NLGN1: variants seen among roughly 807,000 people sequenced by gnomAD.
NLGN1 encodes neuroligin-1.
In NLGN1, 12 loss-of-function variants were observed where a neutral mutation model predicts 65.5. The observed-to-expected ratio is 0.18, with a 90% confidence interval of 0.12 to 0.30. The LOEUF (loss-of-function observed/expected upper bound fraction) is 0.30, where lower values mean the gene tolerates loss of function less well. Ranked by LOEUF, NLGN1 falls within the 10% of genes least tolerant of loss-of-function variation. The pLI is 1.00. For missense variants in NLGN1, 750 were observed against 1,007.1 expected (o/e 0.74, Z 3.46); for synonymous variants, 350 against 359.5 (o/e 0.97, Z 0.30).
At chr3:173,825,911 C>G (rs1721249595) in intron 4 of NLGN1, among the ~76,000 whole-genome samples, 1 of 151,886 alleles carries the variant, frequency 6.6e-6, no homozygotes, top group African/African-American at 2.4e-5. Context: ...CATTCTGAGT[C>G]ATGGCTCAGA....
intron 4 of NLGN1, among the ~76,000 whole-genome samples, chr3:173,972,731 T>C (rs2152377434): frequency 6.6e-6 from 1 of 152,196 alleles, no homozygotes; most frequent in East Asian, 1.9e-4. Context: ...AGTGATTAGA[T>C]TGGAAGATTA....
At chr3:173,752,141 G>A (rs1382876388) in intron 3 of NLGN1, among the ~76,000 whole-genome samples, 1 of 152,080 alleles carries the variant, frequency 6.6e-6, no homozygotes, top group Non-Finnish European at 1.5e-5. Flanking sequence ...ACAAATGTAA[G>A]TTATTTCCAG....
intron 4 of NLGN1, among the ~76,000 whole-genome samples, chr3:174,026,759 C>T (rs1447968554): frequency 1.3e-5 from 2 of 152,148 alleles, no homozygotes; most frequent in Non-Finnish European, 2.9e-5. Context: ...ATTCTCTGCA[C>T]TTGAGGTCCA....
At chr3:173,511,131 T>C (rs1467752154) in intron 2 of NLGN1, among the ~76,000 whole-genome samples, 1 of 152,172 alleles carries the variant, frequency 6.6e-6, no homozygotes, top group Non-Finnish European at 1.5e-5. Context: ...TCATTTAGTA[T>C]TGAAGAGAAA....
intron 3 of NLGN1, among the ~76,000 whole-genome samples, chr3:173,797,862 A>G (rs940413467): frequency 9.2e-5 from 14 of 152,130 alleles, no homozygotes; most frequent in African/African-American, 3.4e-4. Context: ...TGATGTTTTG[A>G]CAACAATTCT....
At chr3:174,284,431 TGTAA>T (rs760757665) in exon 7 of NLGN1, 10 of 151,446 alleles carry the variant, frequency 6.6e-5, no homozygotes, top group Non-Finnish European at 1.2e-4. Flanking sequence ...TGAAAAACAA[TGTAA>T]GTAACAAAAT....
intron 4 of NLGN1, among the ~76,000 whole-genome samples, chr3:173,839,054 C>T (rs930405816): frequency 1.7e-4 from 25 of 149,164 alleles, no homozygotes; most frequent in African/African-American, 5.2e-4. Flanking sequence ...TGTTGACCCT[C>T]ACAGTATTCT....
intron 4 of NLGN1, among the ~76,000 whole-genome samples, chr3:174,189,530 T>C (rs1217328688): frequency 6.6e-6 from 1 of 152,018 alleles, no homozygotes; most frequent in African/African-American, 2.4e-5. Context: ...TTAAGTTATA[T>C]AATGTGAAAA....
chr3:173,673,267 A>T (rs1357841602), intron 3 of NLGN1, among the ~76,000 whole-genome samples: 6 of 152,206 alleles, frequency 3.9e-5, no homozygotes, highest in Admixed American at 6.5e-5. Flanking sequence ...TTCCTTTAGC[A>T]ATAAGTAGCT....
chr3:173,583,040 A>C (rs538787716), intron 2 of NLGN1, among the ~76,000 whole-genome samples: 3 of 152,194 alleles, frequency 2.0e-5, no homozygotes, highest in African/African-American at 7.2e-5. Flanking sequence ...GGTTTCCACA[A>C]ATCCATGAAT....
intron 4 of NLGN1, among the ~76,000 whole-genome samples, chr3:174,003,934 C>T (rs1723838516): frequency 6.6e-6 from 1 of 152,104 alleles, no homozygotes; most frequent in Admixed American, 6.6e-5. Context: ...TGAAAGCGTA[C>T]TCTATAGTGG....
intron 2 of NLGN1, among the ~76,000 whole-genome samples, chr3:173,529,016 T>C (rs973555453): frequency 6.6e-6 from 1 of 152,212 alleles, no homozygotes; most frequent in African/African-American, 2.4e-5. Flanking sequence ...AGATTTTACA[T>C]GGTACCAGAA....
At chr3:173,800,264 TTC>T in intron 3 of NLGN1, 2 of 900,316 alleles carry the variant, frequency 2.2e-6, no homozygotes, top group Non-Finnish European at 2.9e-6. Flanking sequence ...TTTTTTTTTT[TTC>T]CTCCATTTCT....
intron 4 of NLGN1, among the ~76,000 whole-genome samples, chr3:174,030,122 CTTTTTTTTTTT>C (rs3979617): frequency 8.4e-6 from 1 of 118,358 alleles, no homozygotes; most frequent in Admixed American, 8.6e-5. Flanking sequence ...TTTAAGTTAG[CTTTTTTTTTTT>C]TTTTTTTTTG....
intron 4 of NLGN1, among the ~76,000 whole-genome samples, chr3:174,271,843 T>G (rs1749458871): frequency 6.6e-6 from 1 of 151,668 alleles, no homozygotes; most frequent in Non-Finnish European, 1.5e-5. Flanking sequence ...GTCAAATAAT[T>G]TTTAGCATAA....
intron 2 of NLGN1, among the ~76,000 whole-genome samples, chr3:173,513,092 C>T (rs1733247980): frequency 6.6e-6 from 1 of 152,164 alleles, no homozygotes; most frequent in African/African-American, 2.4e-5. Context: ...CTTCCCCTAA[C>T]TGCGTTAGGC....
chr3:174,090,470 C>T (rs1363278575), intron 4 of NLGN1, among the ~76,000 whole-genome samples: 1 of 151,534 alleles, frequency 6.6e-6, no homozygotes, highest in Non-Finnish European at 1.5e-5. Flanking sequence ...GAGACTCTGT[C>T]TCAAAAAAAG....
intron 3 of NLGN1, among the ~76,000 whole-genome samples, chr3:173,719,766 A>G (rs192016935): frequency 2.8e-3 from 419 of 152,298 alleles, no homozygotes; most frequent in Non-Finnish European, 4.1e-3. Context: ...TTCTTTCTAC[A>G]GTCTAGGATA....
chr3:174,210,239 T>C (rs1483617656), intron 4 of NLGN1, among the ~76,000 whole-genome samples: 6 of 152,212 alleles, frequency 3.9e-5, no homozygotes, highest in South Asian at 2.1e-4. Context: ...ATATCACTTA[T>C]CACTATCTGA....
Sources: allele counts gnomAD v4.1 joint callset (sites outside exome capture counted in the v4.1 genomes callset), GRCh38; gene constraint gnomAD v4.1.1; transcripts MANE v1.5; gene names NCBI Gene and HGNC (gene_info 2026-07-23, HGNC 2026-07-21).